Variants in PRKD1 observed in about 807,000 individuals in gnomAD.
PRKD1 encodes protein kinase D1.
A neutral mutation model predicts 95.9 loss-of-function variants in PRKD1; 63 were observed. The observed-to-expected ratio is 0.66, with a 90% CI of 0.54 to 0.81. The LOEUF is 0.81. Ranked by LOEUF, PRKD1 falls within the 30% of genes least tolerant of loss-of-function variation. PRKD1 has a pLI of 0.00. For synonymous variants in PRKD1, 425 were observed against 423.1 expected, an observed-to-expected ratio of 1.00 and a Z score of -0.05; for missense variants, 1,048 against 1,165.3, an observed-to-expected ratio of 0.90 and a Z score of 1.47.
chr14:29,703,720 A>G lies in PRKD1; in HGVS notation c.403+21816T>C, dbSNP rs770119633. Among the ~76,000 whole-genome samples, 10 of 152,290 alleles carry G rather than the reference A, an allele frequency of 6.6e-5. No individual in the cohort carries two copies. In the East Asian group the frequency reaches 9.7e-4, roughly 15 times the overall value. On this transcript the variant is annotated intron_variant, in intron 2 of 17. Transcript: ENST00000331968. ...CACAAATAAATATATGTTAATGAATATATCTTTGGGGTGACAACTAATCAG... is the reference window on the plus strand; with the variant it reads ...CACAAATAAATATATGTTAATGAATGTATCTTTGGGGTGACAACTAATCAG...
At chr14:29,687,767 C>G (rs1566539893) in intron 2 of PRKD1, among the ~76,000 whole-genome samples, 1 of 152,200 alleles carries the variant, frequency 6.6e-6, no homozygotes, top group Non-Finnish European at 1.5e-5. Context: ...CCAACCACAC[C>G]TGGAACAACA....
chr14:29,878,678 C>T (rs1420756658), intron 1 of PRKD1, among the ~76,000 whole-genome samples: 1 of 152,052 alleles, frequency 6.6e-6, no homozygotes, highest in Non-Finnish European at 1.5e-5. Context: ...TTGTATGATT[C>T]CACTTATATG....
At chr14:29,689,006 AACCCCAGAAGAAAATCTATGCAATACC>A (rs1192135530) in intron 2 of PRKD1, among the ~76,000 whole-genome samples, 2 of 151,456 alleles carry the variant, frequency 1.3e-5, no homozygotes, top group Non-Finnish European at 2.9e-5. Flanking sequence ...AAAGTATAAA[AACCCCAGAAGAAAATCTATGCAATACC>A]ATTCAGGATA....
chr14:29,732,271 G>GT (rs1242459411), intron 1 of PRKD1, among the ~76,000 whole-genome samples: 2 of 151,740 alleles, frequency 1.3e-5, no homozygotes, highest in Non-Finnish European at 2.9e-5. Flanking sequence ...TGTTACATCT[G>GT]TTTTTTTGTT....
intron 1 of PRKD1, among the ~76,000 whole-genome samples, chr14:29,869,754 C>T (rs897469862): frequency 2.6e-5 from 4 of 152,096 alleles, no homozygotes. Context: ...CTGCCCAGAG[C>T]GACAGCATAA....
intron 1 of PRKD1, among the ~76,000 whole-genome samples, chr14:29,750,506 T>C (rs986784538): frequency 6.6e-6 from 1 of 152,010 alleles, no homozygotes; most frequent in African/African-American, 2.4e-5. Flanking sequence ...TCTACCCAGT[T>C]TTTCCAGTTC....
At chr14:29,796,866 G>A (rs1049791218) in intron 1 of PRKD1, among the ~76,000 whole-genome samples, 1 of 152,174 alleles carries the variant, frequency 6.6e-6, no homozygotes, top group African/African-American at 2.4e-5. Context: ...ACTGCAAAGG[G>A]AAATGAAGAA....
At chr14:29,669,868 A>C (rs780875239) in intron 2 of PRKD1, among the ~76,000 whole-genome samples, 96 of 152,180 alleles carry the variant, frequency 6.3e-4, no homozygotes, top group Non-Finnish European at 1.0e-3. Flanking sequence ...ACTGTGTCTC[A>C]AAAAACAAAA....
At chr14:29,820,274 T>C (rs1220630079) in intron 1 of PRKD1, among the ~76,000 whole-genome samples, 2 of 152,178 alleles carry the variant, frequency 1.3e-5, no homozygotes, top group African/African-American at 4.8e-5. Flanking sequence ...GGCTATGTGC[T>C]AGGAAAAGAT....
At chr14:29,836,917 C>T (rs1351493730) in intron 1 of PRKD1, among the ~76,000 whole-genome samples, 1 of 152,152 alleles carries the variant, frequency 6.6e-6, no homozygotes, top group African/African-American at 2.4e-5. Flanking sequence ...AAAGAAATGG[C>T]AGGCCACATG....
intron 1 of PRKD1, among the ~76,000 whole-genome samples, chr14:29,764,287 T>A (rs532526193): frequency 4.0e-5 from 6 of 151,424 alleles, no homozygotes; most frequent in Non-Finnish European, 8.8e-5. Context: ...GAAAAAAAAA[T>A]CTAAAAAGTA....
At chr14:29,728,107 A>G (rs1886252324) in intron 1 of PRKD1, among the ~76,000 whole-genome samples, 1 of 152,114 alleles carries the variant, frequency 6.6e-6, no homozygotes, top group South Asian at 2.1e-4. Flanking sequence ...ACATGTATAC[A>G]TATGTAACTA....
At chr14:29,777,264 T>A (rs1888807216) in intron 1 of PRKD1, among the ~76,000 whole-genome samples, 1 of 152,154 alleles carries the variant, frequency 6.6e-6, no homozygotes, top group African/African-American at 2.4e-5. Context: ...AGCTAAATCA[T>A]AATGACAAGA....
At chr14:29,609,990 C>T (rs1377821978) in intron 13 of PRKD1, among the ~76,000 whole-genome samples, 1 of 152,176 alleles carries the variant, frequency 6.6e-6, no homozygotes, top group Non-Finnish European at 1.5e-5. Context: ...AATGAGTCCT[C>T]TCTTTTCCCT....
At chr14:29,624,585 C>A (rs45501396) in intron 12 of PRKD1, among the ~76,000 whole-genome samples, 1 of 151,954 alleles carries the variant, frequency 6.6e-6, no homozygotes, top group African/African-American at 2.4e-5. Context: ...TGTATCACCA[C>A]CAAATTAACT....
At chr14:29,657,600 C>T (rs1402988156) in intron 4 of PRKD1, 3 of 152,378 alleles carry the variant, frequency 2.0e-5, no homozygotes, top group African/African-American at 7.2e-5. Flanking sequence ...GGCGCAGTGG[C>T]TCACGGCTGT....
chr14:29,748,690 G>C (rs1445739013), intron 1 of PRKD1, among the ~76,000 whole-genome samples: 1 of 152,088 alleles, frequency 6.6e-6, no homozygotes, highest in Non-Finnish European at 1.5e-5. Flanking sequence ...CCAGCACCTA[G>C]GACATGCCAA....
intron 1 of PRKD1, among the ~76,000 whole-genome samples, chr14:29,897,107 T>C (rs1321381385): frequency 1.3e-5 from 2 of 152,038 alleles, no homozygotes; most frequent in Non-Finnish European, 2.9e-5. Flanking sequence ...TATGTATCTA[T>C]ACAAATTTTT....
rs117815773 is a variant in PRKD1, at chr14:29,776,622, G to A, written c.265-50948C>T. Among the ~76,000 whole-genome samples, 60 of 152,084 alleles carry A rather than the reference G, an allele frequency of 3.9e-4. No individual in the cohort carries two copies. In the East Asian group the frequency reaches 9.3e-3, roughly 23 times the overall value. Reference sequence around the variant, plus strand: ...AAGGAGTAAAAGAAATGAATAAAGCGTCCAAGAAATATGGAACTATGTGAA... The same window carrying A: ...AAGGAGTAAAAGAAATGAATAAAGCATCCAAGAAATATGGAACTATGTGAA... On this transcript the variant is annotated intron_variant, in intron 1 of 17. Coordinates refer to ENST00000331968, the MANE Select transcript of PRKD1 (RefSeq NM_002742.3).
Sources: gnomAD v4.1 joint callset for allele counts (sites outside exome capture counted in the v4.1 genomes callset) on GRCh38, gnomAD v4.1.1 for gene constraint, MANE v1.5 for transcripts, NCBI Gene and HGNC (gene_info 2026-07-23, HGNC 2026-07-21) for gene names.